The following PLBD1 variants were observed in gnomAD, a reference collection of about 807,000 sequenced individuals.
The protein encoded by PLBD1 is lysosomal leucine aminopeptidase.
Under a neutral mutation model 63.0 loss-of-function variants are expected in PLBD1, and 60 were observed. That is an observed-to-expected ratio of 0.95 (90% confidence interval 0.77 to 1.18). PLBD1 has a LOEUF of 1.18. Among genes scored for constraint, PLBD1 ranks in the 50% most tolerant of loss-of-function variants. PLBD1 has a pLI of 0.00. For synonymous variants in PLBD1, 262 were observed against 248.0 expected (o/e 1.06, Z -0.53); for missense variants, 598 against 677.9 (o/e 0.88, Z 1.31).
At chr12:14,515,526 A>C (rs992881675) in intron 6 of PLBD1, among the ~76,000 whole-genome samples, 1 of 152,066 alleles carries the variant, frequency 6.6e-6, no homozygotes, top group Non-Finnish European at 1.5e-5. Context: ...AAAGGACATG[A>C]ATTTTGGTCT....
chr12:14,530,907 A>G (rs1592000084), intron 6 of PLBD1: 1 of 152,234 alleles, frequency 6.6e-6, no homozygotes, highest in African/African-American at 2.4e-5. Context: ...TGTATTCAAA[A>G]CCCTTCTTGT....
chr12:14,528,947 G>C (rs1432673864), intron 6 of PLBD1, among the ~76,000 whole-genome samples: 2 of 152,132 alleles, frequency 1.3e-5, no homozygotes, highest in Non-Finnish European at 2.9e-5. Flanking sequence ...TTCTGTAGCA[G>C]TGAAAGAAAT....
chr12:14,561,590 T>A (rs1945742451), intron 1 of PLBD1, among the ~76,000 whole-genome samples: 1 of 152,190 alleles, frequency 6.6e-6, no homozygotes, highest in South Asian at 2.1e-4. Flanking sequence ...GTTTCGCTCT[T>A]GTTGCCAAGG....
intron 8 of PLBD1, 100 bp downstream of exon 8, chr12:14,511,160 A>C (rs1399182508): frequency 9.4e-7 from 1 of 1,067,362 alleles, no homozygotes; most frequent in Non-Finnish European, 1.3e-6. Flanking sequence ...TCCCCACCAT[A>C]CCCTCCCCCA....
At chr12:14,520,734 C>T (rs560296327) in intron 6 of PLBD1, among the ~76,000 whole-genome samples, 1 of 152,062 alleles carries the variant, frequency 6.6e-6, no homozygotes, top group Non-Finnish European at 1.5e-5. Flanking sequence ...CAGTCAAGGT[C>T]GGTATGAAAC....
At position 14,554,869 on chromosome 12, in the gene PLBD1, C is replaced by T. The variant is rs577887728; in HGVS notation, c.116-1457G>A. 5.9e-5 allele frequency among the ~76,000 whole-genome samples: 9 copies of T among 152,158 alleles called. No individual in the cohort carries two copies. The East Asian group carries it at 1.7e-3, about 29-fold the overall frequency. ...CAGGTTCCTCTTTATCTTCAATACC[C>T]CACAGCACACTTAATAACACAATCT... On this transcript the variant is annotated intron_variant, in intron 1 of 10. Coordinates refer to ENST00000240617, the MANE Select transcript of PLBD1 (RefSeq NM_024829.6).
intron 4 of PLBD1, among the ~76,000 whole-genome samples, chr12:14,538,455 A>G (rs1945538193): frequency 6.6e-6 from 1 of 152,144 alleles, no homozygotes; most frequent in African/African-American, 2.4e-5. Flanking sequence ...TGGCCTCCCA[A>G]AGTGCTGGGA....
chr12:14,505,149 G>C (rs1319350090), intron 10 of PLBD1, among the ~76,000 whole-genome samples: 1 of 148,812 alleles, frequency 6.7e-6, no homozygotes, highest in African/African-American at 2.5e-5. Context: ...GAGTCATTAC[G>C]GCTAAAGCTT....
At chr12:14,524,972 G>A (rs181493143) in intron 6 of PLBD1, among the ~76,000 whole-genome samples, 35 of 152,358 alleles carry the variant, frequency 2.3e-4, no homozygotes, top group Middle Eastern at 3.4e-3. Flanking sequence ...TAGAAAACCT[G>A]AAGATTGTGG....
chr12:14,553,425 G>T lies in PLBD1; in HGVS notation c.116-13C>A, dbSNP rs751063598. 1.2e-6 allele frequency: 2 copies of T among 1,602,332 alleles called. No individual in the cohort carries two copies. Among genetic ancestry groups the T allele is most frequent in the Non-Finnish European group, 1.7e-6 (2 of 1,170,140 alleles). On this transcript the variant is annotated splice_polypyrimidine_tract_variant and intron_variant, in intron 1 of 10. Coordinates refer to ENST00000240617, the MANE Select transcript of PLBD1 (RefSeq NM_024829.6). ...GCATAGTAGACTCCTAGAAGAAAAG[G>T]GAATAATGACAAAAACGCCATTCAA...
rs1421836989 is a variant in PLBD1 at position 14,553,216 on chromosome 12, A to G, written c.312T>C (p.Phe104=). Residue 104 remains phenylalanine, a synonymous_variant, in exon 2 of 11, where the codon TTT becomes TTC. Transcript: ENST00000240617. ...ACGGGGCAGTGAGGTAACCCTCCAA[A>G]AAGCCAGCCACAAACATGATGATCT... ...SNEIIMFVAG[F]LEGYLTAPHM... The G allele has an allele frequency of 6.2e-7, 1 of 1,612,962 alleles. No individual in the cohort carries two copies. The highest frequency in any genetic ancestry group is 8.5e-7 in the Non-Finnish European group (1 of 1,179,734).
chr12:14,528,703 G>A (rs1205342750), intron 6 of PLBD1, among the ~76,000 whole-genome samples: 4 of 151,784 alleles, frequency 2.6e-5, no homozygotes, highest in Non-Finnish European at 4.4e-5. Flanking sequence ...TGCAAAGTAA[G>A]TAGAAGAAAG....
intron 8 of PLBD1, among the ~76,000 whole-genome samples, chr12:14,507,477 G>A (rs1313406368): frequency 6.6e-6 from 1 of 152,170 alleles, no homozygotes; most frequent in Non-Finnish European, 1.5e-5. Context: ...AGTGGATTTA[G>A]TTACTGAAAT....
At chr12:14,531,234 T>C (rs866035698) in intron 6 of PLBD1, 1 of 152,212 alleles carries the variant, frequency 6.6e-6, no homozygotes, top group Non-Finnish European at 1.5e-5. Context: ...GTATTCTTTA[T>C]TATTAAATGC....
intron 6 of PLBD1, among the ~76,000 whole-genome samples, chr12:14,516,531 G>A (rs1381239968): frequency 3.3e-5 from 5 of 152,076 alleles, no homozygotes; most frequent in Non-Finnish European, 7.4e-5. Flanking sequence ...TGCATTTTTA[G>A]CAAGCTCCAT....
intron 6 of PLBD1, among the ~76,000 whole-genome samples, chr12:14,519,881 C>T (rs112123423): frequency 6.6e-6 from 1 of 152,294 alleles, no homozygotes; most frequent in African/African-American, 2.4e-5. Context: ...AAAACTAGAG[C>T]CATTCTGGCT....
intron 10 of PLBD1, among the ~76,000 whole-genome samples, 191 bp from the exon 11 acceptor site, chr12:14,504,145 G>A (rs1384269882): frequency 2.6e-5 from 4 of 152,100 alleles, no homozygotes; most frequent in African/African-American, 7.2e-5. Context: ...TGCCTCCCAG[G>A]TTCAAGCAAT....
chr12:14,506,962 G>A lies in PLBD1; in HGVS notation c.1343C>T (p.Ala448Val). 3.1e-6 allele frequency: 5 copies of A among 1,614,090 alleles called. No individual in the cohort carries two copies. The highest frequency in any genetic ancestry group is 3.4e-6 in the Non-Finnish European group (4 of 1,179,976). ...GTATCGCATGATATATTTCATGGAT[G>A]CCGTATCAGTCACTTTCCCTTGGTC... is the stretch of plus-strand genomic sequence containing the variant. ...RRDQGKVTDT[A>V]SMKYIMRYNN... The change falls in exon 9 of 11, where the codon GCA becomes GTA. Residue 448 changes from alanine (A) to valine (V), a missense_variant. Physicochemically the swap from Ala to Val is moderately conservative, Grantham distance 64 (BLOSUM62 0). Coordinates refer to ENST00000240617, the MANE Select transcript of PLBD1 (RefSeq NM_024829.6).
chr12:14,528,607 TATC>T (rs1945435316), intron 6 of PLBD1, among the ~76,000 whole-genome samples: 1 of 152,166 alleles, frequency 6.6e-6, no homozygotes, highest in Non-Finnish European at 1.5e-5. Context: ...TTGGAAAATT[TATC>T]ATTTTATTTG....
Sources: gnomAD v4.1 joint callset for allele counts (sites outside exome capture counted in the v4.1 genomes callset) on GRCh38, gnomAD v4.1.1 for gene constraint, MANE v1.5 for transcripts, NCBI Gene and HGNC (gene_info 2026-07-23, HGNC 2026-07-21) for gene names.